The following SFTPD variants were observed in gnomAD, a reference collection of about 807,000 sequenced individuals.
SFTPD encodes surfactant protein D, also known as pulmonary surfactant-associated protein D.
SFTPD carries 18 observed loss-of-function variants against 34.6 expected under a neutral mutation model. That is an observed-to-expected ratio of 0.52 (90% CI 0.36 to 0.77). The LOEUF (loss-of-function observed/expected upper bound fraction) is 0.77, where lower values mean the gene tolerates loss of function less well. SFTPD is among the 30% of genes least tolerant of loss of function. SFTPD has a pLI of 0.00. For missense variants in SFTPD, 433 were observed against 468.9 expected (o/e 0.92, Z 0.71); for synonymous variants, 155 against 180.9 (o/e 0.86, Z 1.15).
intron 1 of SFTPD, chr10:79,971,006 T>A (rs1475050611): frequency 6.6e-6 from 1 of 152,178 alleles, no homozygotes; most frequent in Non-Finnish European, 1.5e-5. Flanking sequence ...GTGGGTTTGT[T>A]ATATGTAGTC....
At chr10:79,955,506 C>T (rs1052974770) in intron 1 of SFTPD, among the ~76,000 whole-genome samples, 1 of 152,180 alleles carries the variant, frequency 6.6e-6, no homozygotes, top group Non-Finnish European at 1.5e-5. Flanking sequence ...TCTGCAAAAT[C>T]TTGAAGCTTG....
intron 4 of SFTPD, 79 bp from the exon 5 acceptor site, chr10:79,942,149 T>A: frequency 9.6e-7 from 1 of 1,043,782 alleles, no homozygotes; most frequent in Middle Eastern, 2.1e-4. Flanking sequence ...TGGAGCTTTT[T>A]GCCCGCAACT....
chr10:79,970,981 A>G (rs1265686343), intron 1 of SFTPD: 2 of 152,158 alleles, frequency 1.3e-5, no homozygotes, highest in Non-Finnish European at 2.9e-5. Context: ...TTCCCTATTC[A>G]GCATAATGCT....
At chr10:79,982,303 GC>G in intron 1 of SFTPD, 3 of 988,400 alleles carry the variant, frequency 3.0e-6, no homozygotes, top group Non-Finnish European at 3.9e-6. Context: ...CGGCTCAGGT[GC>G]CCAGTGGGCA....
At chr10:79,939,334 G>A (rs553669317) in intron 7 of SFTPD, among the ~76,000 whole-genome samples, 5 of 152,324 alleles carry the variant, frequency 3.3e-5, no homozygotes, top group East Asian at 1.9e-4. Context: ...CTGACTCATC[G>A]TCCTTAAGAT....
At chr10:79,982,062 G>C (rs1033925131) in intron 1 of SFTPD, 11 of 298,264 alleles carry the variant, frequency 3.7e-5, no homozygotes, top group African/African-American at 2.5e-4. Context: ...GACGTGCGGG[G>C]GGTCTCTCTG....
intron 1 of SFTPD, among the ~76,000 whole-genome samples, chr10:79,947,470 A>C (rs1209719291): frequency 6.6e-6 from 1 of 152,178 alleles, no homozygotes; most frequent in Admixed American, 6.5e-5. Context: ...CGGGCAGATC[A>C]CTTGAAGTCA....
intron 1 of SFTPD, chr10:79,982,209 C>G (rs1389697472): frequency 1.8e-6 from 1 of 549,758 alleles, no homozygotes; most frequent in African/African-American, 2.0e-5. Context: ...TACTGGGGCT[C>G]GGATCTACCT....
At chr10:79,959,947 A>G (rs1308418174) in intron 1 of SFTPD, among the ~76,000 whole-genome samples, 8 of 152,286 alleles carry the variant, frequency 5.3e-5, no homozygotes, top group South Asian at 2.1e-4. Flanking sequence ...CTTATCCACC[A>G]TGATCAAGTG....
intron 1 of SFTPD, among the ~76,000 whole-genome samples, chr10:79,956,059 G>A (rs116368922): frequency 0.011 from 1,751 of 152,270 alleles, 39 homozygotes; most frequent in African/African-American, 0.039. Context: ...CTAAAAGCAT[G>A]ACTTAAAAAA....
intron 1 of SFTPD, among the ~76,000 whole-genome samples, chr10:79,954,827 G>A (rs1315747087): frequency 1.3e-5 from 2 of 152,168 alleles, no homozygotes; most frequent in East Asian, 3.9e-4. Flanking sequence ...GCAGGGCTTG[G>A]AACAAGTCCA....
upstream of SFTPD, chr10:79,950,758 T>C (rs537049065): frequency 2.6e-5 from 4 of 152,344 alleles, no homozygotes; most frequent in East Asian, 7.7e-4. Flanking sequence ...TCCTGAATTA[T>C]TCCCTCAAAT....
rs528179486 is a variant in SFTPD at position 79,975,374 on chromosome 10, G to A, written c.36+7201C>T. Among the ~76,000 whole-genome samples the A allele has an allele frequency of 9.5e-4, 145 of 152,188 alleles. 3 individuals carry two copies. The highest frequency in any genetic ancestry group is 9.4e-3 in the Admixed American group (144 of 15,288). On this transcript the variant is annotated intron_variant, in intron 1 of 5. Transcript: ENST00000444384. ...ATACTCTCCTTCCTCCTCCTCATCAGTGTGAAAAAGTTCCTAGGTGGAATG... is the reference window on the plus strand; with the variant it reads ...ATACTCTCCTTCCTCCTCCTCATCAATGTGAAAAAGTTCCTAGGTGGAATG...
intron 1 of SFTPD, among the ~76,000 whole-genome samples, chr10:79,963,820 C>T (rs757141224): frequency 1.2e-4 from 19 of 152,160 alleles, no homozygotes; most frequent in Admixed American, 8.5e-4. Flanking sequence ...TCCAGTTGCA[C>T]CCATGTTGCT....
intron 1 of SFTPD, among the ~76,000 whole-genome samples, chr10:79,947,639 G>A (rs17886333): frequency 1.0e-3 from 156 of 152,224 alleles, no homozygotes; most frequent in Non-Finnish European, 1.7e-3. Context: ...GCAGTGAGCC[G>A]AGATCGTGCC....
At chr10:79,940,880 G>T in intron 6 of SFTPD, 92 bp from the exon 7 acceptor site, 1 of 821,250 alleles carries the variant, frequency 1.2e-6, no homozygotes, top group Non-Finnish European at 2.1e-6. Context: ...GTCTAGTTTC[G>T]GGCACATATT....
At chr10:79,943,733 C>T (rs1363441346) in intron 2 of SFTPD, among the ~76,000 whole-genome samples, 2 of 152,154 alleles carry the variant, frequency 1.3e-5, no homozygotes, top group African/African-American at 2.4e-5. Flanking sequence ...AGTGGAATTC[C>T]GTGCCCTGGG....
At chr10:79,946,126 G>T (rs933381334) in intron 2 of SFTPD, among the ~76,000 whole-genome samples, 11 of 152,162 alleles carry the variant, frequency 7.2e-5, no homozygotes, top group Non-Finnish European at 1.6e-4. Flanking sequence ...CCCTGCACAG[G>T]CATCATTTAA....
At chr10:79,949,318 C>T (rs766356922), upstream of SFTPD, among the ~76,000 whole-genome samples, 2 of 152,192 alleles carry the variant, frequency 1.3e-5, no homozygotes, top group African/African-American at 2.4e-5. Flanking sequence ...GCCTTGAACT[C>T]ATCTGCACCT....
Sources: allele counts gnomAD v4.1 joint callset (sites outside exome capture counted in the v4.1 genomes callset), GRCh38; gene constraint gnomAD v4.1.1; transcripts MANE v1.5; gene names NCBI Gene and HGNC (gene_info 2026-07-23, HGNC 2026-07-21).